The following USP34 variants were observed in gnomAD, a reference collection of about 807,000 sequenced individuals.
USP34 encodes ubiquitin carboxyl-terminal hydrolase 34.
Under a neutral mutation model 460.3 loss-of-function variants are expected in USP34, and 70 were observed. The observed-to-expected ratio is 0.15, with a 90% confidence interval of 0.13 to 0.19. USP34 has a LOEUF of 0.19. Ranked by LOEUF, USP34 falls within the 10% of genes least tolerant of loss-of-function variation. The probability of loss-of-function intolerance (pLI) is 1.00; values close to 1 mark genes in which losing one functional copy is unlikely to be tolerated. For synonymous variants in USP34, 1,647 were observed against 1,405.3 expected, an observed-to-expected ratio of 1.17 and a Z score of -3.85; for missense variants, 3,985 against 4,236.2, an observed-to-expected ratio of 0.94 and a Z score of 1.65.
At chr2:61,312,164 G>T (rs933343833) in intron 25 of USP34, among the ~76,000 whole-genome samples, 2 of 150,800 alleles carry the variant, frequency 1.3e-5, no homozygotes, top group African/African-American at 4.9e-5. Context: ...TCTCCTTAAG[G>T]CCAGTTTATT....
chr2:61,301,257 C>A (rs1238149481), intron 28 of USP34, 97 bp from the exon 29 acceptor site: 3 of 1,511,666 alleles, frequency 2.0e-6, no homozygotes, highest in Non-Finnish European at 2.7e-6. Flanking sequence ...TTTAATATAA[C>A]AAAGCAATAA....
At chr2:61,350,182 A>T (rs865795594) in intron 12 of USP34, 78 bp downstream of exon 12, 1 of 1,421,886 alleles carries the variant, frequency 7.0e-7, no homozygotes, top group Middle Eastern at 2.6e-4. Flanking sequence ...GATTGAACTG[A>T]ATGTATTAGC....
chr2:61,409,325 TC>T (rs1256733329), intron 2 of USP34, among the ~76,000 whole-genome samples: 1 of 152,198 alleles, frequency 6.6e-6, no homozygotes, highest in Non-Finnish European at 1.5e-5. Context: ...GGCAGGCAGA[TC>T]ATTTACTAAA....
intron 58 of USP34, 29 bp from the exon 59 acceptor site, chr2:61,229,662 A>G (rs753023709): frequency 6.4e-7 from 1 of 1,568,354 alleles, no homozygotes; most frequent in East Asian, 2.3e-5. Flanking sequence ...ATCAAACAAG[A>G]GCCAACTCAT....
chr2:61,194,178 G>C (rs1686725768), intron 75 of USP34: 1 of 985,246 alleles, frequency 1.0e-6, no homozygotes, highest in Admixed American at 6.2e-5. Context: ...GGATGCCTAG[G>C]ATCCCTTCCA....
intron 67 of USP34, among the ~76,000 whole-genome samples, chr2:61,217,799 A>G (rs1377022900): frequency 6.6e-6 from 1 of 151,884 alleles, no homozygotes; most frequent in African/African-American, 2.4e-5. Flanking sequence ...CTAAAAATAC[A>G]AAAAAATTAG....
At chr2:61,226,869 A>G in intron 62 of USP34, 198 bp downstream of exon 62, 1 of 626,078 alleles carries the variant, frequency 1.6e-6, no homozygotes, top group Non-Finnish European at 2.4e-6. Context: ...TTGGTAGAAA[A>G]AACTGAAATT....
chr2:61,403,305 T>C (rs1693775038), intron 3 of USP34, among the ~76,000 whole-genome samples: 1 of 152,122 alleles, frequency 6.6e-6, no homozygotes, highest in Non-Finnish European at 1.5e-5. Flanking sequence ...GATGAGCAAG[T>C]TTATTTTAGA....
intron 75 of USP34, among the ~76,000 whole-genome samples, chr2:61,201,211 G>GTTTTTTTT (rs59199472): frequency 5.9e-5 from 6 of 101,388 alleles, no homozygotes; most frequent in South Asian, 3.8e-4. Context: ...CTCATAGAAA[G>GTTTTTTTT]TTTTTTTTTT....
chr2:61,236,532 C>T, intron 53 of USP34, 143 bp from the exon 54 acceptor site: 1 of 625,352 alleles, frequency 1.6e-6, no homozygotes, highest in South Asian at 2.7e-5. Flanking sequence ...TTGATTTTTT[C>T]CCAAGTATAT....
At chr2:61,267,021 A>C (rs1314485086) in intron 41 of USP34, among the ~76,000 whole-genome samples, 1 of 152,156 alleles carries the variant, frequency 6.6e-6, no homozygotes, top group Non-Finnish European at 1.5e-5. Context: ...CCCTGTGATA[A>C]AACCAAGGAC....
rs117757970 is a variant in USP34, at chr2:61,452,561, A to T, written c.43+18089T>A. Reference sequence around the variant, plus strand: ...GCTGGTCTCCTGACCTCAGGTGGTGATCCACCCGCCTCAGCCTCCCGCCAA... The same window carrying T: ...GCTGGTCTCCTGACCTCAGGTGGTGTTCCACCCGCCTCAGCCTCCCGCCAA... On this transcript the variant is annotated intron_variant, in intron 1 of 79. Coordinates refer to ENST00000398571, the MANE Select transcript of USP34 (RefSeq NM_014709.4). Among the ~76,000 whole-genome samples, 374 of 151,486 alleles carry T rather than the reference A, an allele frequency of 2.5e-3. 8 individuals carry two copies. The East Asian group carries it at 0.029, about 12-fold the overall frequency.
intron 3 of USP34, among the ~76,000 whole-genome samples, chr2:61,397,241 T>TA (rs1553382808): frequency 1.3e-5 from 2 of 148,954 alleles, no homozygotes; most frequent in African/African-American, 5.0e-5. Context: ...TCAAGAGTTC[T>TA]AGACCAGTCT....
At chr2:61,400,073 C>T (rs955992205) in intron 3 of USP34, among the ~76,000 whole-genome samples, 1 of 124,646 alleles carries the variant, frequency 8.0e-6, no homozygotes, top group East Asian at 2.3e-4. Context: ...AAAGAGAAAA[C>T]AGAGAGAAAT....
chr2:61,242,919 T>G (rs1688310075), intron 51 of USP34, among the ~76,000 whole-genome samples: 1 of 152,012 alleles, frequency 6.6e-6, no homozygotes, highest in African/African-American at 2.4e-5. Context: ...TGATCTCAGC[T>G]CACTGCAATC....
intron 44 of USP34, among the ~76,000 whole-genome samples, chr2:61,257,993 T>C (rs1183961127): frequency 6.6e-6 from 1 of 152,226 alleles, no homozygotes; most frequent in African/African-American, 2.4e-5. Flanking sequence ...TTAATAGCTT[T>C]TAAAATAGTC....
rs1691249448 is a variant in USP34 at position 61,331,174 on chromosome 2, A to C, written c.2930+102T>G. On this transcript the variant is annotated intron_variant, in intron 20 of 79. Coordinates refer to ENST00000398571, the MANE Select transcript of USP34 (RefSeq NM_014709.4). ...TTTTATACAAATAAAGTTTTCTGTTACAATTACTTATTATATGAAAAAAAG... is the reference window on the plus strand; with the variant it reads ...TTTTATACAAATAAAGTTTTCTGTTCCAATTACTTATTATATGAAAAAAAG... The C allele has an allele frequency of 3.1e-6, 3 of 964,270 alleles. No individual in the cohort carries two copies. In the African/African-American group the frequency reaches 5.1e-5, roughly 16 times the overall value. 59.7% of individuals were successfully genotyped at this position (964,270 alleles called of 1,614,324 possible).
At chr2:61,438,111 T>C (rs1374179823) in intron 1 of USP34, among the ~76,000 whole-genome samples, 1 of 152,008 alleles carries the variant, frequency 6.6e-6, no homozygotes, top group Non-Finnish European at 1.5e-5. Flanking sequence ...CTGAACAGAA[T>C]TCTGGCAAAC....
At chr2:61,280,632 T>C (rs1339635091) in intron 38 of USP34, among the ~76,000 whole-genome samples, 1 of 152,172 alleles carries the variant, frequency 6.6e-6, no homozygotes, top group Non-Finnish European at 1.5e-5. Context: ...ACACACTGAA[T>C]TTCTGGGGTT....
Sources: allele counts gnomAD v4.1 joint callset (sites outside exome capture counted in the v4.1 genomes callset), GRCh38; gene constraint gnomAD v4.1.1; transcripts MANE v1.5; gene names NCBI Gene and HGNC (gene_info 2026-07-23, HGNC 2026-07-21).